TCF12: variants seen among roughly 807,000 people sequenced by gnomAD.
TCF12 encodes DNA-binding protein HTF4.
A neutral mutation model predicts 86.0 loss-of-function variants in TCF12; 45 were observed. The ratio of observed to expected loss-of-function variants is 0.52; its 90% CI spans 0.41 to 0.67. TCF12 has a LOEUF of 0.67. Ranked by LOEUF, TCF12 falls within the 30% of genes least tolerant of loss-of-function variation. The pLI, the probability that TCF12 is intolerant of heterozygous loss-of-function variation, is 0.00. For missense variants in TCF12, 881 were observed against 859.9 expected, an observed-to-expected ratio of 1.02 and a Z score of -0.31; for synonymous variants, 330 against 299.6, an observed-to-expected ratio of 1.10 and a Z score of -1.05.
At chr15:57,109,331 G>A (rs1386021643) in intron 5 of TCF12, 1 of 152,160 alleles carries the variant, frequency 6.6e-6, no homozygotes, top group East Asian at 1.9e-4. Context: ...CTGAGATCCT[G>A]TTTTATGAAG....
chr15:57,038,115 A>C (rs532441638), intron 3 of TCF12, among the ~76,000 whole-genome samples: 1 of 152,198 alleles, frequency 6.6e-6, no homozygotes, highest in Non-Finnish European at 1.5e-5. Context: ...ACATCTGATT[A>C]GGAAGCTGGG....
chr15:56,966,414 C>A (rs527381216), intron 3 of TCF12, among the ~76,000 whole-genome samples: 1 of 152,248 alleles, frequency 6.6e-6, no homozygotes, highest in East Asian at 1.9e-4. Context: ...ATCTAACCTG[C>A]TAAAAATGGA....
At chr15:57,290,653 G>A (rs1421291900), downstream of TCF12, among the ~76,000 whole-genome samples, 1 of 152,192 alleles carries the variant, frequency 6.6e-6, no homozygotes, top group Non-Finnish European at 1.5e-5. Flanking sequence ...GGGTGTTCTG[G>A]CACAAAGATT....
At chr15:57,235,669 TCTC>T (rs1348958650) in intron 12 of TCF12, among the ~76,000 whole-genome samples, 1 of 152,218 alleles carries the variant, frequency 6.6e-6, no homozygotes, top group African/African-American at 2.4e-5. Flanking sequence ...CCATATTCCT[TCTC>T]CTGATTCTGG....
intron 3 of TCF12, among the ~76,000 whole-genome samples, chr15:56,927,754 T>TC (rs1474762292): frequency 1.3e-5 from 2 of 152,186 alleles, no homozygotes; most frequent in Admixed American, 1.3e-4. Context: ...ACTAATGAAT[T>TC]CCCTTAGGGA....
At chr15:57,233,269 T>A (rs1279784340) in intron 11 of TCF12, among the ~76,000 whole-genome samples, 1 of 151,826 alleles carries the variant, frequency 6.6e-6, no homozygotes, top group Non-Finnish European at 1.5e-5. Flanking sequence ...ACCTCCAAGG[T>A]TGAGGAGGTG....
intron 3 of TCF12, among the ~76,000 whole-genome samples, chr15:56,984,507 T>G (rs186959183): frequency 2.6e-5 from 4 of 152,230 alleles, no homozygotes; most frequent in Admixed American, 2.0e-4. Context: ...ATTCCAAGAC[T>G]ATGTAAAATC....
chr15:57,042,501 A>G (rs1317704680), intron 3 of TCF12, among the ~76,000 whole-genome samples: 1 of 152,124 alleles, frequency 6.6e-6, no homozygotes, highest in Non-Finnish European at 1.5e-5. Context: ...GTGACCTCAA[A>G]TTCCGGGGCT....
At chr15:57,015,860 C>T (rs528466613) in intron 3 of TCF12, among the ~76,000 whole-genome samples, 49 of 152,302 alleles carry the variant, frequency 3.2e-4, no homozygotes, top group Non-Finnish European at 5.1e-4. Context: ...CTTTCCAGGG[C>T]GATCTCATGA....
At chr15:57,190,413 C>T (rs570593388) in intron 6 of TCF12, among the ~76,000 whole-genome samples, 2 of 152,228 alleles carry the variant, frequency 1.3e-5, no homozygotes, top group Non-Finnish European at 2.9e-5. Flanking sequence ...CTTTGTGATA[C>T]TTGGTGGCTG....
At chr15:56,990,971 T>A (rs1372337682) in intron 3 of TCF12, among the ~76,000 whole-genome samples, 1 of 151,914 alleles carries the variant, frequency 6.6e-6, no homozygotes, top group Non-Finnish European at 1.5e-5. Flanking sequence ...ATCCTTAAAT[T>A]TTTTTGTAGA....
chr15:57,030,727 T>C (rs2066120250), intron 3 of TCF12, among the ~76,000 whole-genome samples: 2 of 152,246 alleles, frequency 1.3e-5, no homozygotes, highest in Non-Finnish European at 1.5e-5. Context: ...TTCAATCATT[T>C]TGAAAATATA....
intron 3 of TCF12, among the ~76,000 whole-genome samples, chr15:56,953,830 G>GTT: frequency 7.3e-6 from 1 of 136,190 alleles, no homozygotes; most frequent in East Asian, 2.3e-4. Context: ...AAGTTTATCA[G>GTT]TTTTTTTTTT....
intron 13 of TCF12, 89 bp from the exon 14 acceptor site, chr15:57,251,261 A>C: frequency 1.9e-6 from 2 of 1,046,054 alleles, no homozygotes; most frequent in Admixed American, 4.1e-5. Context: ...AAATTTATTT[A>C]GTTATTGAGT....
At chr15:57,257,280 T>C (rs775568146) in intron 16 of TCF12, among the ~76,000 whole-genome samples, 23 of 152,156 alleles carry the variant, frequency 1.5e-4, no homozygotes, top group Non-Finnish European at 3.2e-4. Flanking sequence ...TAATGAGTAG[T>C]TTGAGAGTTT....
At chr15:57,177,531 A>G (rs2056011570) in intron 6 of TCF12, among the ~76,000 whole-genome samples, 2 of 150,806 alleles carry the variant, frequency 1.3e-5, no homozygotes, top group Middle Eastern at 3.3e-3. Context: ...TCAGCCTCTC[A>G]AAGTGTTGGG....
chr15:57,254,048 AT>A (rs1194153608), intron 16 of TCF12, among the ~76,000 whole-genome samples: 2 of 152,208 alleles, frequency 1.3e-5, no homozygotes, highest in African/African-American at 4.8e-5. Flanking sequence ...AGCCATACAC[AT>A]CAAAAATTCT....
chr15:57,083,250 T>C (rs1227041944), intron 4 of TCF12, among the ~76,000 whole-genome samples: 1 of 152,262 alleles, frequency 6.6e-6, no homozygotes, highest in Admixed American at 6.5e-5. Context: ...GGCACATGAC[T>C]TTTTATTATG....
intron 18 of TCF12, among the ~76,000 whole-genome samples, chr15:57,267,729 T>C (rs905146802): frequency 2.0e-5 from 3 of 152,094 alleles, no homozygotes; most frequent in African/African-American, 7.2e-5. Flanking sequence ...CATCAGAAAT[T>C]AGGAGGCAGT....
Sources: gnomAD v4.1 joint callset for allele counts (sites outside exome capture counted in the v4.1 genomes callset) on GRCh38, gnomAD v4.1.1 for gene constraint, MANE v1.5 for transcripts, NCBI Gene and HGNC (gene_info 2026-07-23, HGNC 2026-07-21) for gene names.